The following SEC23B variants were observed in gnomAD, a reference collection of about 807,000 sequenced individuals.
The protein encoded by SEC23B is protein transport protein Sec23B.
A neutral mutation model predicts 104.3 loss-of-function variants in SEC23B; 77 were observed. The ratio of observed to expected loss-of-function variants is 0.74; its 90% CI spans 0.61 to 0.89. The LOEUF (loss-of-function observed/expected upper bound fraction) is 0.89. Ranked by LOEUF, SEC23B falls within the 40% of genes least tolerant of loss-of-function variation. The pLI, the probability that SEC23B is intolerant of heterozygous loss-of-function variation, is 0.00. For missense variants in SEC23B, 885 were observed against 949.4 expected, an observed-to-expected ratio of 0.93 and a Z score of 0.89; for synonymous variants, 338 against 332.5, an observed-to-expected ratio of 1.02 and a Z score of -0.18.
chr20:18,543,443 T>C (rs568458979), intron 14 of SEC23B, among the ~76,000 whole-genome samples: 125 of 152,334 alleles, frequency 8.2e-4, no homozygotes, highest in Non-Finnish European at 1.2e-3. Flanking sequence ...ATGAGTCATT[T>C]TGTGAATGCT....
At chr20:18,553,574 A>G (rs2060408095) in intron 17 of SEC23B, among the ~76,000 whole-genome samples, 1 of 152,248 alleles carries the variant, frequency 6.6e-6, no homozygotes, top group Admixed American at 6.5e-5. Flanking sequence ...GTGGATGAGT[A>G]TAAAAGAAGG....
rs200020725 is a variant in SEC23B, at chr20:18,525,030, C to T, written c.689+10C>T. On this transcript the variant is annotated intron_variant, in intron 6 of 19. Transcript: ENST00000650089. Reference sequence around the variant, plus strand: ...CTTTTGCTTCAAGCAGGTGAGAGCCCAACATGGAGTGTTACACGTATTGTG... The same window carrying T: ...CTTTTGCTTCAAGCAGGTGAGAGCCTAACATGGAGTGTTACACGTATTGTG... 3.5e-3 allele frequency: 5,612 copies of T among 1,612,528 alleles called. 22 individuals carry two copies. Among genetic ancestry groups the T allele is most frequent in the South Asian group, 4.2e-3 (381 of 91,044 alleles).
chr20:18,531,179 C>T (rs939652473), intron 10 of SEC23B, among the ~76,000 whole-genome samples: 1 of 152,238 alleles, frequency 6.6e-6, no homozygotes, highest in Non-Finnish European at 1.5e-5. Context: ...CTCTGCTCCA[C>T]CCTGCTTCAA....
At chr20:18,525,701 TGAA>T (rs1019414873) in intron 6 of SEC23B, 84 bp from the exon 7 acceptor site, 156 of 1,379,992 alleles carry the variant, frequency 1.1e-4, no homozygotes, top group Non-Finnish European at 1.5e-4. Context: ...ATAATTATCT[TGAA>T]GAGCAGTAAT....
In SEC23B at chr20:18,526,807, C is replaced by T. The variant is rs191093302; in HGVS notation, c.993+276C>T. Reference sequence around the variant, plus strand: ...TTGAAAATGATTTCCAGGCCAGTCCCGGTGGCTCACGGCTGTAATCCCAGC... The same window carrying T: ...TTGAAAATGATTTCCAGGCCAGTCCTGGTGGCTCACGGCTGTAATCCCAGC... On this transcript the variant is annotated intron_variant, in intron 8 of 19. Coordinates refer to ENST00000650089, the MANE Select transcript of SEC23B (RefSeq NM_006363.6). Among the ~76,000 whole-genome samples the T allele has an allele frequency of 5.6e-4, 86 of 152,294 alleles. 1 individual carries two copies. Among genetic ancestry groups the T allele is most frequent in the Admixed American group, 5.1e-3 (78 of 15,298 alleles).
At chr20:18,549,021 C>CTTGT (rs1448385806) in intron 16 of SEC23B, among the ~76,000 whole-genome samples, 2 of 151,788 alleles carry the variant, frequency 1.3e-5, no homozygotes, top group African/African-American at 4.8e-5. Context: ...TTTCCTTGTG[C>CTTGT]TTGTATACTT....
At chr20:18,518,853 GTTTT>G (rs2050245068) in intron 4 of SEC23B, among the ~76,000 whole-genome samples, 1 of 152,074 alleles carries the variant, frequency 6.6e-6, no homozygotes, top group African/African-American at 2.4e-5. Context: ...CTTTAGAAGA[GTTTT>G]TATTAAAGAG....
chr20:18,526,614 A>G (rs1388979074), intron 8 of SEC23B, 83 bp downstream of exon 8: 2 of 1,430,548 alleles, frequency 1.4e-6, no homozygotes, highest in African/African-American at 2.8e-5. Flanking sequence ...TACTTTGCCA[A>G]GGTCATGTGT....
chr20:18,525,727 A>C, intron 6 of SEC23B, 61 bp from the exon 7 acceptor site: 1 of 1,547,414 alleles, frequency 6.5e-7, no homozygotes, highest in African/African-American at 1.4e-5. Context: ...TGTGGCACCT[A>C]GTGTTGAAGA....
rs140617739 is a variant in SEC23B at position 18,533,696 on chromosome 20, G to T, written c.1314+952G>T. Among the ~76,000 whole-genome samples, 212 of 152,272 alleles carry T rather than the reference G, an allele frequency of 1.4e-3. 5 individuals are homozygous for T. The East Asian group carries it at 0.037, about 27-fold the overall frequency. ...ATAAATTAAACTTTTGTTGAGCTTG[G>T]CAGAGGCAAGGTGATTTGAGAGCAC... On this transcript the variant is annotated intron_variant, in intron 11 of 19. Coordinates refer to ENST00000650089, the MANE Select transcript of SEC23B (RefSeq NM_006363.6).
chr20:18,532,775 C>T, intron 11 of SEC23B, 31 bp downstream of exon 11: 2 of 1,510,400 alleles, frequency 1.3e-6, no homozygotes, highest in Non-Finnish European at 1.8e-6. Context: ...ACCCTCACCT[C>T]CTGCCCCGGA....
At chr20:18,533,951 T>C (rs776045023) in intron 11 of SEC23B, among the ~76,000 whole-genome samples, 3 of 152,256 alleles carry the variant, frequency 2.0e-5, no homozygotes, top group Non-Finnish European at 4.4e-5. Context: ...TTAATATTTC[T>C]AGTAGAATTC....
At chr20:18,508,823 A>T (rs2059956540) in intron 1 of SEC23B, among the ~76,000 whole-genome samples, 1 of 148,938 alleles carries the variant, frequency 6.7e-6, no homozygotes. Flanking sequence ...AAGGTCAAGC[A>T]GTCCTCCCTG....
In SEC23B at chr20:18,548,733, C is replaced by T. The variant is rs762649192; in HGVS notation, c.1868C>T (p.Pro623Leu). 6.2e-7 allele frequency: 1 copy of T among 1,614,178 alleles called. No homozygotes were observed. The highest frequency in any genetic ancestry group is 1.1e-5 in the South Asian group (1 of 91,078). ...DLTQSLIMIQ[P>L]ILYSYSFHGP... is the part of the protein sequence containing the mutation. ...ACCCAGTCCCTCATCATGATCCAGC[C>T]CATTCTCTACTCTTACTCCTTTCAT... The change falls in exon 16 of 20, where the codon CCC becomes CTC. Residue 623 changes from proline (P) to leucine (L), a missense_variant. Coordinates refer to ENST00000650089, the MANE Select transcript of SEC23B (RefSeq NM_006363.6).
chr20:18,540,956 G>A (rs2060282053), intron 12 of SEC23B, among the ~76,000 whole-genome samples: 1 of 152,240 alleles, frequency 6.6e-6, no homozygotes, highest in South Asian at 2.1e-4. Context: ...CTCTAGCTAT[G>A]AGAATCCTAG....
intron 11 of SEC23B, among the ~76,000 whole-genome samples, chr20:18,533,719 C>A (rs2060205429): frequency 6.6e-6 from 1 of 152,180 alleles, no homozygotes; most frequent in Admixed American, 6.5e-5. Flanking sequence ...GATTTGAGAG[C>A]ACATTCCTGT....
At chr20:18,512,744 AG>A (rs1359144954) in intron 3 of SEC23B, among the ~76,000 whole-genome samples, 1 of 152,186 alleles carries the variant, frequency 6.6e-6, no homozygotes, top group African/African-American at 2.4e-5. Flanking sequence ...ATCACAAGAG[AG>A]ACTTCTCTAT....
intron 9 of SEC23B, 116 bp downstream of exon 9, chr20:18,527,727 T>G (rs2060146836): frequency 1.5e-4 from 114 of 776,592 alleles, no homozygotes; most frequent in East Asian, 2.8e-4. Flanking sequence ...CAGGTAGCTC[T>G]GGGCTATGGT....
chr20:18,526,183 G>A (rs1174275588), intron 7 of SEC23B, among the ~76,000 whole-genome samples, 190 bp from the exon 8 acceptor site: 1 of 152,176 alleles, frequency 6.6e-6, no homozygotes, highest in African/African-American at 2.4e-5. Context: ...TAATAAAACT[G>A]TGCAAACCCA....
Sources: allele counts gnomAD v4.1 joint callset (sites outside exome capture counted in the v4.1 genomes callset), GRCh38; gene constraint gnomAD v4.1.1; transcripts MANE v1.5; gene names NCBI Gene and HGNC (gene_info 2026-07-23, HGNC 2026-07-21).